The following POLB variants were observed in gnomAD, a reference collection of about 807,000 sequenced individuals.
POLB encodes DNA polymerase beta, also known as 5'-dRP lyase.
POLB carries 37 observed loss-of-function variants against 52.7 expected under a neutral mutation model. The ratio of observed to expected loss-of-function variants is 0.70; its 90% CI spans 0.54 to 0.92. The LOEUF is 0.92. Ranked by LOEUF, POLB falls within the 40% of genes least tolerant of loss-of-function variation. The pLI is 0.00. For synonymous variants in POLB, 138 were observed against 131.3 expected, an observed-to-expected ratio of 1.05 and a Z score of -0.35; for missense variants, 313 against 400.8, an observed-to-expected ratio of 0.78 and a Z score of 1.87.
intron 3 of POLB, among the ~76,000 whole-genome samples, chr8:42,345,974 T>G (rs960797596): frequency 6.6e-6 from 1 of 152,212 alleles, no homozygotes; most frequent in Non-Finnish European, 1.5e-5. Flanking sequence ...CAGGCTGGAG[T>G]GCAGTGGCAC....
intron 11 of POLB, among the ~76,000 whole-genome samples, chr8:42,362,916 G>A (rs931684179): frequency 6.6e-6 from 1 of 151,874 alleles, no homozygotes; most frequent in African/African-American, 2.4e-5. Context: ...CCTGAGGTCG[G>A]GAGCTCAAGA....
At position 42,343,339 on chromosome 8, in the gene POLB, A is replaced by T. The variant is rs1378303232; in HGVS notation, c.120-1614A>T. On this transcript the variant is annotated intron_variant, in intron 2 of 13. Coordinates refer to ENST00000265421, the MANE Select transcript of POLB (RefSeq NM_002690.3). ...TGCGTCTCAAAAAAAAAAAAAAAAA[A>T]AAAAAAATATATATATATATATATA... Among the ~76,000 whole-genome samples, 7 of 43,934 alleles carry T rather than the reference A, an allele frequency of 1.6e-4. No homozygotes were observed. The South Asian group carries it at 2.5e-3, about 16-fold the overall frequency. The allele number at this position is 43,934 out of a possible 152,430, so 28.8% of individuals were successfully genotyped here.
chr8:42,365,488 A>G (rs1320004991), intron 11 of POLB, among the ~76,000 whole-genome samples: 1 of 152,230 alleles, frequency 6.6e-6, no homozygotes, highest in East Asian at 1.9e-4. Flanking sequence ...AAGAATATTC[A>G]GTCAGATAAA....
At chr8:42,338,902 G>A (rs1822019824) in intron 1 of POLB, 110 bp from the exon 2 acceptor site, 9 of 1,046,890 alleles carry the variant, frequency 8.6e-6, no homozygotes, top group Middle Eastern at 2.0e-4. Context: ...GGCCCTTGGA[G>A]GAAACGGGTG....
At chr8:42,342,685 G>A (rs994611379) in intron 2 of POLB, 13 of 521,758 alleles carry the variant, frequency 2.5e-5, no homozygotes, top group South Asian at 4.2e-5. Context: ...GTGGAAAGGC[G>A]GGAGCAATTT....
chr8:42,367,442 C>T (rs1824111861), intron 11 of POLB, among the ~76,000 whole-genome samples: 1 of 152,036 alleles, frequency 6.6e-6, no homozygotes, highest in Admixed American at 6.6e-5. Context: ...GATAGCCAGG[C>T]AGGAGTCCGA....
At chr8:42,342,708 G>A in intron 2 of POLB, 1 of 447,770 alleles carries the variant, frequency 2.2e-6, no homozygotes, top group African/African-American at 2.0e-5. Context: ...AAAAACTGAT[G>A]TAGGGGCCAG....
chr8:42,340,584 C>T (rs960010887), intron 2 of POLB, among the ~76,000 whole-genome samples: 1 of 152,220 alleles, frequency 6.6e-6, no homozygotes, highest in Non-Finnish European at 1.5e-5. Context: ...TCCGGGGAGT[C>T]TGCCTGCCCT....
chr8:42,338,734 CT>C lies in POLB; in HGVS notation c.61+51del. ...TGGCTTTCTTCTTTCCTTCCAGCCT[CT>C]TCCCCTGCCTTCCTTCTCTCCCACA... On this transcript the variant is annotated intron_variant, in intron 1 of 13. Transcript: ENST00000265421. 2.0e-6 allele frequency: 3 copies of C among 1,525,652 alleles called. No homozygotes were observed. In the South Asian group the frequency reaches 3.4e-5, roughly 17 times the overall value. The allele number at this position is 1,525,652 out of a possible 1,614,324, so 94.5% of individuals were successfully genotyped here. A position where few individuals can be genotyped will look rare whatever the true frequency, so the allele number is the denominator to read the frequency against.
chr8:42,357,071 G>A (rs1416108068), intron 7 of POLB, 98 bp from the exon 8 acceptor site: 2 of 677,816 alleles, frequency 3.0e-6, no homozygotes, highest in South Asian at 1.9e-5. Flanking sequence ...AGAATGATCT[G>A]CTGGTATGGC....
At chr8:42,363,527 C>CAAAAA (rs1163249252) in intron 11 of POLB, among the ~76,000 whole-genome samples, 19 of 15,826 alleles carry the variant, frequency 1.2e-3, no homozygotes, top group Non-Finnish European at 1.8e-3. Context: ...GACTCTGTCT[C>CAAAAA]AAAAAAAAAA....
chr8:42,355,757 C>G (rs1190603003), intron 7 of POLB, among the ~76,000 whole-genome samples, 190 bp downstream of exon 7: 1 of 152,164 alleles, frequency 6.6e-6, no homozygotes, highest in Non-Finnish European at 1.5e-5. Context: ...CTTTTGCTTT[C>G]TAGTTTACTT....
intron 11 of POLB, among the ~76,000 whole-genome samples, chr8:42,363,972 G>A (rs2130846742): frequency 1.3e-5 from 2 of 151,158 alleles, no homozygotes; most frequent in South Asian, 4.2e-4. Flanking sequence ...TGTCACCCGG[G>A]CTGGAGTGCA....
chr8:42,357,671 T>C, intron 9 of POLB: 1 of 323,390 alleles, frequency 3.1e-6, no homozygotes, highest in Non-Finnish European at 5.6e-6. Flanking sequence ...GTCTTTGGCC[T>C]TTTGGCTGGA....
intron 2 of POLB, 51 bp downstream of exon 2, chr8:42,339,120 T>A: frequency 1.4e-6 from 2 of 1,392,952 alleles, no homozygotes; most frequent in Non-Finnish European, 2.0e-6. Context: ...ATACCCTGTT[T>A]AGTGTGGCAA....
chr8:42,368,609 G>T (rs1295567570), intron 11 of POLB, among the ~76,000 whole-genome samples: 11 of 152,170 alleles, frequency 7.2e-5, no homozygotes, highest in Admixed American at 7.2e-4. Flanking sequence ...AGATAAAACA[G>T]ACTTGGATAA....
chr8:42,347,422 A>T (rs1397524555), intron 3 of POLB, among the ~76,000 whole-genome samples: 1 of 148,606 alleles, frequency 6.7e-6, no homozygotes, highest in Non-Finnish European at 1.5e-5. Flanking sequence ...TTATTCTAGA[A>T]TTACTCCTCA....
intron 9 of POLB, among the ~76,000 whole-genome samples, chr8:42,358,325 A>G (rs1276845213): frequency 2.6e-5 from 4 of 151,688 alleles, no homozygotes; most frequent in Non-Finnish European, 5.9e-5. Context: ...ACACGGTGAA[A>G]CCCCATCTCT....
chr8:42,361,439 G>C (rs1203717215), intron 10 of POLB, 74 bp downstream of exon 10: 1 of 1,029,342 alleles, frequency 9.7e-7, no homozygotes, highest in Non-Finnish European at 1.5e-6. Flanking sequence ...TGATAGTTGG[G>C]TATTTTCAGA....
Sources: allele counts gnomAD v4.1 joint callset (sites outside exome capture counted in the v4.1 genomes callset), GRCh38; gene constraint gnomAD v4.1.1; transcripts MANE v1.5; gene names NCBI Gene and HGNC (gene_info 2026-07-23, HGNC 2026-07-21).